Variants in ANK3 observed in about 807,000 individuals in gnomAD.
ANK3 encodes ankyrin-3.
A neutral mutation model predicts 370.9 loss-of-function variants in ANK3; 57 were observed. That is an observed-to-expected ratio of 0.15 (90% confidence interval 0.12 to 0.19). The LOEUF (loss-of-function observed/expected upper bound fraction) is 0.19, where lower values mean the gene tolerates loss of function less well. ANK3 is among the 10% of genes least tolerant of loss of function. The pLI is 1.00. For missense variants in ANK3, 4,439 were observed against 5,302.1 expected, an observed-to-expected ratio of 0.84 and a Z score of 5.06; for synonymous variants, 1,929 against 1,946.3, an observed-to-expected ratio of 0.99 and a Z score of 0.23.
intron 9 of ANK3, among the ~76,000 whole-genome samples, chr10:60,209,648 A>C (rs2096821599): frequency 6.6e-6 from 1 of 152,228 alleles, no homozygotes; most frequent in Non-Finnish European, 1.5e-5. Flanking sequence ...GTAGAAATTA[A>C]GGTGCAGGAA....
intron 20 of ANK3, 111 bp downstream of exon 20, chr10:60,172,789 A>G: frequency 1.5e-6 from 1 of 666,146 alleles, no homozygotes; most frequent in Non-Finnish European, 2.6e-6. Context: ...ATTCTACTGA[A>G]TGCTCTGTTT....
intron 1 of ANK3, among the ~76,000 whole-genome samples, chr10:60,315,094 C>A (rs1452689021): frequency 6.6e-6 from 1 of 152,110 alleles, no homozygotes; most frequent in African/African-American, 2.4e-5. Flanking sequence ...CCCTTTTATT[C>A]TTTCCTAGTG....
chr10:60,498,470 C>T (rs770009977), intron 2 of ANK3, among the ~76,000 whole-genome samples: 4 of 152,176 alleles, frequency 2.6e-5, no homozygotes, highest in Non-Finnish European at 5.9e-5. Flanking sequence ...CTCACTGCAG[C>T]CTTGACCTCT....
intron 2 of ANK3, among the ~76,000 whole-genome samples, chr10:60,566,304 C>G (rs2077459182): frequency 1.3e-5 from 2 of 152,110 alleles, no homozygotes; most frequent in East Asian, 1.9e-4. Flanking sequence ...AGTAATAACC[C>G]TACAATGGCC....
At chr10:60,342,701 G>A (rs1456564908) in intron 1 of ANK3, among the ~76,000 whole-genome samples, 2 of 152,140 alleles carry the variant, frequency 1.3e-5, no homozygotes, top group Non-Finnish European at 2.9e-5. Flanking sequence ...GACAAGTTAG[G>A]TAATAGGCTG....
At chr10:60,356,085 A>C (rs115370512) in intron 1 of ANK3, among the ~76,000 whole-genome samples, 2,037 of 152,322 alleles carry the variant, frequency 0.013, 42 homozygotes, top group African/African-American at 0.044. Context: ...GTGAGAGCCC[A>C]GGGAAGTAGC....
chr10:60,249,219 A>G (rs1329121553), intron 7 of ANK3, among the ~76,000 whole-genome samples: 1 of 152,230 alleles, frequency 6.6e-6, no homozygotes, highest in Non-Finnish European at 1.5e-5. Context: ...GGAATCAATT[A>G]CTTACTCTAC....
At chr10:60,408,311 T>C (rs1401549736) in intron 2 of ANK3, among the ~76,000 whole-genome samples, 1 of 152,168 alleles carries the variant, frequency 6.6e-6, no homozygotes, top group African/African-American at 2.4e-5. Flanking sequence ...GGGAGGTGAT[T>C]GGATCATGGG....
At chr10:60,673,915 C>A (rs116600577) in intron 1 of ANK3, among the ~76,000 whole-genome samples, 92 of 152,252 alleles carry the variant, frequency 6.0e-4, no homozygotes, top group Middle Eastern at 3.4e-3. Flanking sequence ...ATAAGACGCA[C>A]TACATAGGCT....
At chr10:60,100,019 G>A (rs2090903411) in intron 28 of ANK3, among the ~76,000 whole-genome samples, 1 of 151,998 alleles carries the variant, frequency 6.6e-6, no homozygotes, top group Non-Finnish European at 1.5e-5. Context: ...TGTAATTTCT[G>A]GCAAATCCAT....
chr10:60,271,180 TTTA>T (rs887248913), intron 4 of ANK3, among the ~76,000 whole-genome samples: 2 of 152,212 alleles, frequency 1.3e-5, no homozygotes, highest in East Asian at 1.9e-4. Flanking sequence ...CTATAATTCT[TTTA>T]TTATTATTAT....
At chr10:60,546,930 A>G (rs1475460159) in intron 2 of ANK3, among the ~76,000 whole-genome samples, 1 of 152,106 alleles carries the variant, frequency 6.6e-6, no homozygotes, top group Non-Finnish European at 1.5e-5. Flanking sequence ...CTCATTTTAC[A>G]AAAGCTAAAA....
intron 2 of ANK3, among the ~76,000 whole-genome samples, chr10:60,421,748 T>G (rs1367048954): frequency 6.6e-6 from 1 of 152,018 alleles, no homozygotes; most frequent in Admixed American, 6.6e-5. Context: ...TTTTCAAGTG[T>G]GTAGTTAAAA....
chr10:60,365,804 G>A (rs1055087113), intron 1 of ANK3, among the ~76,000 whole-genome samples: 7 of 152,118 alleles, frequency 4.6e-5, no homozygotes, highest in African/African-American at 1.7e-4. Flanking sequence ...AAGCAACAGA[G>A]GTGAGACTTA....
chr10:60,052,678 G>C (rs918095448), intron 42 of ANK3, among the ~76,000 whole-genome samples: 1 of 152,154 alleles, frequency 6.6e-6, no homozygotes, highest in Admixed American at 6.5e-5. Flanking sequence ...ATGGGGAAGA[G>C]TATTTACTGA....
rs1343868807 is a variant in ANK3 at position 60,689,452 on chromosome 10, G to C, written c.57+43811C>G. ...TTATCAAATGAAATCACTTACAGCA[G>C]TTAAAAATGAATGAACTGGCTGGGT... On this transcript the variant is annotated intron_variant, in intron 1 of 43. Transcript: ENST00000373827. Among the ~76,000 whole-genome samples the C allele has an allele frequency of 3.3e-5, 5 of 152,152 alleles. No individual in the cohort carries two copies. The East Asian group carries it at 9.7e-4, about 29-fold the overall frequency.
In ANK3 at chr10:60,048,243, T is replaced by G. The variant is rs186495748; in HGVS notation, c.13066-5484A>C. ...ATACTAAGTGCTAGGGGGCTTACTATGGCAAACAGTGTTAACTATGCTGGT... is the reference window on the plus strand; with the variant it reads ...ATACTAAGTGCTAGGGGGCTTACTAGGGCAAACAGTGTTAACTATGCTGGT... On this transcript the variant is annotated intron_variant, in intron 42 of 43. Coordinates refer to ENST00000280772, the MANE Select transcript of ANK3 (RefSeq NM_020987.5). Among the ~76,000 whole-genome samples, 38 of 152,274 alleles carry G rather than the reference T, an allele frequency of 2.5e-4. No individual in the cohort carries two copies. The East Asian group carries it at 6.0e-3, about 24-fold the overall frequency.
At chr10:60,293,191 G>A (rs1388347768) in intron 1 of ANK3, among the ~76,000 whole-genome samples, 1 of 152,176 alleles carries the variant, frequency 6.6e-6, no homozygotes, top group African/African-American at 2.4e-5. Context: ...TTACCAGAGA[G>A]AGTGGCTGCT....
chr10:60,166,629 A>G lies in ANK3; in HGVS notation c.2576T>C (p.Met859Thr). ...DEVRKANAPE[M>T]LSDGEYISDV... ...TGAGATATATTCGCCATCACTGAGCATTTCAGGGGCATTGGCTTTACGAAC... is the reference window on the plus strand; with the variant it reads ...TGAGATATATTCGCCATCACTGAGCGTTTCAGGGGCATTGGCTTTACGAAC... The change falls in exon 23 of 44, where the codon ATG (methionine) becomes ACG (threonine). Residue 859 changes from methionine to threonine, a missense_variant. Transcript: ENST00000280772. 2 of 1,613,882 alleles carry G rather than the reference A, an allele frequency of 1.2e-6. No homozygotes were observed. The highest frequency in any genetic ancestry group is 1.7e-6 in the Non-Finnish European group (2 of 1,179,872).
Sources: allele counts gnomAD v4.1 joint callset (sites outside exome capture counted in the v4.1 genomes callset), GRCh38; gene constraint gnomAD v4.1.1; transcripts MANE v1.5; gene names NCBI Gene and HGNC (gene_info 2026-07-23, HGNC 2026-07-21).